Variants in FRMD6 observed in about 807,000 individuals in gnomAD.
FRMD6 encodes FERM domain-containing protein 6.
In FRMD6, 37 loss-of-function variants were observed where a neutral mutation model predicts 73.2. The observed-to-expected ratio is 0.51, with a 90% CI of 0.39 to 0.66. The LOEUF (loss-of-function observed/expected upper bound fraction) is 0.66, where lower values mean the gene tolerates loss of function less well. Ranked by LOEUF, FRMD6 falls within the 30% of genes least tolerant of loss-of-function variation. The pLI, the probability that FRMD6 is intolerant of heterozygous loss-of-function variation, is 0.00. For synonymous variants in FRMD6, 273 were observed against 282.2 expected (o/e 0.97, Z 0.33); for missense variants, 714 against 780.5 (o/e 0.91, Z 1.02).
At chr14:51,446,764 G>A in the FRMD6 span, among the ~76,000 whole-genome samples, 1 of 152,146 alleles carries the variant, frequency 6.6e-6, no homozygotes, top group East Asian at 1.9e-4. Flanking sequence ...GTGAGGGCAG[G>A]TACTTTGCCA....
At chr14:51,644,844 G>GT (rs372817084) in intron 2 of FRMD6, among the ~76,000 whole-genome samples, 169 of 152,302 alleles carry the variant, frequency 1.1e-3, no homozygotes, top group African/African-American at 3.8e-3. Context: ...ATATAAAAAT[G>GT]TTTTTACAAG....
In FRMD6 at chr14:51,723,301, C is replaced by T. The variant is rs1386965772; in HGVS notation, c.1492+1221C>T. Among the ~76,000 whole-genome samples, 9 of 152,014 alleles carry T rather than the reference C, an allele frequency of 5.9e-5. No homozygotes were observed. In the East Asian group the frequency reaches 1.7e-3, roughly 29 times the overall value. On this transcript the variant is annotated intron_variant, in intron 12 of 13. Transcript: ENST00000344768. ...GAAATGGTCTAAAAACTGTGTATGC[C>T]GCAGTGCCTTTGGGAAGGGAGGTAT...
chr14:51,698,015 A>G lies in FRMD6; in HGVS notation c.100-127A>G, dbSNP rs934242642. 2.6e-5 allele frequency: 16 copies of G among 612,160 alleles called. 1 individual carries two copies. The highest frequency in any genetic ancestry group is 2.4e-4 in the South Asian group (12 of 50,078). The allele number at this position is 612,160 out of a possible 1,614,324, so 37.9% of individuals were successfully genotyped here. ...GTTAAAGTGATTTGGATAAAGCAGC[A>G]GTTGTTTTCTACTGTCAGCTTGTCC... is the stretch of plus-strand genomic sequence containing the variant. On this transcript the variant is annotated intron_variant, in intron 2 of 13. Coordinates refer to ENST00000344768, the MANE Select transcript of FRMD6 (RefSeq NM_001267046.2).
intron 1 of FRMD6, among the ~76,000 whole-genome samples, chr14:51,560,976 T>A: frequency 6.6e-6 from 1 of 152,254 alleles, no homozygotes; most frequent in East Asian, 1.9e-4. Flanking sequence ...ATAAAATTAA[T>A]GTTGGATTAT....
At chr14:51,435,930 A>G in the FRMD6 span, 1 of 157,740 alleles carries the variant, frequency 6.3e-6, no homozygotes, top group African/African-American at 2.4e-5. Context: ...CAACTAAAAA[A>G]GATTATTCAT....
chr14:51,671,038 T>G (rs4259964), intron 1 of FRMD6, among the ~76,000 whole-genome samples: 120,832 of 152,182 alleles, frequency 0.79, 48,239 homozygotes, highest in Non-Finnish European at 0.84. Flanking sequence ...TTTTTCATCT[T>G]TTGTGGTGAG....
intron 1 of FRMD6, among the ~76,000 whole-genome samples, chr14:51,685,350 C>G (rs1377619430): frequency 6.6e-6 from 1 of 152,190 alleles, no homozygotes. Context: ...ACAACCATAT[C>G]TCCATCAACT....
chr14:51,413,630 T>G, the FRMD6 span, among the ~76,000 whole-genome samples: 1 of 152,256 alleles, frequency 6.6e-6, no homozygotes, highest in Non-Finnish European at 1.5e-5. Context: ...TGTGTGCATG[T>G]GTCTTTATAG....
the FRMD6 span, among the ~76,000 whole-genome samples, chr14:51,439,259 A>C: frequency 6.6e-6 from 1 of 152,222 alleles, no homozygotes; most frequent in East Asian, 1.9e-4. Flanking sequence ...TAGTAAATAC[A>C]TCACTGTATA....
At chr14:51,500,289 G>T (rs1883534138) in intron 1 of FRMD6, among the ~76,000 whole-genome samples, 1 of 152,182 alleles carries the variant, frequency 6.6e-6, no homozygotes, top group Non-Finnish European at 1.5e-5. Flanking sequence ...AGCACTTTGA[G>T]GGTCCAAGGT....
chr14:51,488,314 C>G (rs1386270772), upstream of FRMD6, among the ~76,000 whole-genome samples: 3 of 152,126 alleles, frequency 2.0e-5, no homozygotes, highest in Admixed American at 2.0e-4. Context: ...GGGTGATTCC[C>G]CAAAGGAAAA....
the FRMD6 span, among the ~76,000 whole-genome samples, chr14:51,446,083 G>A: frequency 5.9e-5 from 9 of 152,198 alleles, no homozygotes; most frequent in Non-Finnish European, 1.2e-4. Flanking sequence ...TGGCTGCAGA[G>A]CCCATTCTTA....
At chr14:51,577,810 C>T (rs570506516) in intron 2 of FRMD6, among the ~76,000 whole-genome samples, 35 of 152,116 alleles carry the variant, frequency 2.3e-4, no homozygotes, top group Non-Finnish European at 4.1e-4. Context: ...TTTTTTTGTA[C>T]TTTAAGTTCT....
chr14:51,493,527 T>C (rs1489179248), intron 1 of FRMD6, among the ~76,000 whole-genome samples: 1 of 152,152 alleles, frequency 6.6e-6, no homozygotes, highest in East Asian at 1.9e-4. Flanking sequence ...TCAGATGTGA[T>C]TTTGCTCTTC....
intron 2 of FRMD6, among the ~76,000 whole-genome samples, chr14:51,628,872 CT>C (rs1218988966): frequency 1.5e-5 from 1 of 68,192 alleles, no homozygotes; most frequent in African/African-American, 5.1e-5. Flanking sequence ...TTTTTCTTTT[CT>C]TTTCTTTTTT....
At chr14:51,472,384 A>G in the FRMD6 span, among the ~76,000 whole-genome samples, 2 of 152,072 alleles carry the variant, frequency 1.3e-5, no homozygotes, top group Non-Finnish European at 1.5e-5. Flanking sequence ...GCTCACTGCA[A>G]GCTCCACCTC....
chr14:51,428,007 C>T, the FRMD6 span, among the ~76,000 whole-genome samples: 2 of 152,062 alleles, frequency 1.3e-5, no homozygotes, highest in African/African-American at 2.4e-5. Flanking sequence ...TTTTGTGGCA[C>T]GGGAATCGTT....
At chr14:51,520,448 A>G (rs1884882887) in intron 1 of FRMD6, among the ~76,000 whole-genome samples, 1 of 152,240 alleles carries the variant, frequency 6.6e-6, no homozygotes, top group South Asian at 2.1e-4. Context: ...ATTTCATTCA[A>G]TATAAGTAAA....
chr14:51,561,133 A>G (rs1383222094), intron 1 of FRMD6, among the ~76,000 whole-genome samples: 1 of 152,168 alleles, frequency 6.6e-6, no homozygotes, highest in Non-Finnish European at 1.5e-5. Context: ...CTTTGAATCT[A>G]GGTAACTTAA....
Sources: gnomAD v4.1 joint callset for allele counts (sites outside exome capture counted in the v4.1 genomes callset) on GRCh38, gnomAD v4.1.1 for gene constraint, MANE v1.5 for transcripts, NCBI Gene and HGNC (gene_info 2026-07-23, HGNC 2026-07-21) for gene names.